Variants in CAMTA1 observed in about 807,000 individuals in gnomAD.
CAMTA1 encodes calmodulin-binding transcription activator 1.
In CAMTA1, 27 loss-of-function variants were observed where a neutral mutation model predicts 170.9. That is an observed-to-expected ratio of 0.16 (90% CI 0.12 to 0.22). CAMTA1 has a LOEUF of 0.22. Ranked by LOEUF, CAMTA1 falls within the 10% of genes least tolerant of loss-of-function variation. CAMTA1 has a pLI of 1.00. For missense variants in CAMTA1, 1,619 were observed against 2,217.2 expected, an observed-to-expected ratio of 0.73 and a Z score of 5.42; for synonymous variants, 833 against 891.5, an observed-to-expected ratio of 0.93 and a Z score of 1.17.
chr1:7,644,779 T>C (rs959148975), intron 7 of CAMTA1, among the ~76,000 whole-genome samples: 1 of 152,138 alleles, frequency 6.6e-6, no homozygotes, highest in Admixed American at 6.5e-5. Flanking sequence ...GTCTGGGAAG[T>C]GTCGTTTTTT....
chr1:7,343,792 C>G (rs1352430008), intron 5 of CAMTA1, among the ~76,000 whole-genome samples: 1 of 152,176 alleles, frequency 6.6e-6, no homozygotes, highest in African/African-American at 2.4e-5. Flanking sequence ...AATGTTTTGT[C>G]CCTTCTGTGG....
chr1:7,414,499 G>A (rs1273512790), intron 5 of CAMTA1, among the ~76,000 whole-genome samples: 14 of 152,152 alleles, frequency 9.2e-5, no homozygotes, highest in African/African-American at 2.2e-4. Flanking sequence ...GAGTGTATGC[G>A]TCGAGGAATT....
intron 5 of CAMTA1, among the ~76,000 whole-genome samples, chr1:7,283,077 G>C (rs1010136885): frequency 1.3e-5 from 2 of 152,044 alleles, no homozygotes; most frequent in South Asian, 4.2e-4. Context: ...GCAAACATTT[G>C]TTGAATAAAT....
intron 6 of CAMTA1, among the ~76,000 whole-genome samples, chr1:7,469,350 G>A (rs1268793756): frequency 6.6e-6 from 1 of 152,192 alleles, no homozygotes; most frequent in Non-Finnish European, 1.5e-5. Flanking sequence ...CTTGGCAGAG[G>A]GTTTTCTCCT....
At chr1:7,460,257 T>C (rs2093051705) in intron 5 of CAMTA1, among the ~76,000 whole-genome samples, 1 of 152,228 alleles carries the variant, frequency 6.6e-6, no homozygotes, top group Admixed American at 6.5e-5. Context: ...CTCTCACCTT[T>C]TTTGGCTCAG....
intron 1 of CAMTA1, among the ~76,000 whole-genome samples, chr1:6,788,736 C>T (rs567882479): frequency 3.7e-4 from 56 of 152,122 alleles, no homozygotes; most frequent in African/African-American, 1.2e-3. Context: ...AAGCAGGGGG[C>T]TCCGTGCAAG....
intron 6 of CAMTA1, among the ~76,000 whole-genome samples, chr1:7,492,284 C>T (rs758531015): frequency 2.0e-4 from 31 of 152,218 alleles, no homozygotes; most frequent in Non-Finnish European, 2.9e-4. Context: ...AAGGAAGGCA[C>T]TACGGGGGCC....
In CAMTA1 at chr1:7,732,026, T is replaced by G. The variant is rs964644443; in HGVS notation, c.2915-422T>G. Reference sequence around the variant, plus strand: ...TAAAAGATATACTACCTTTTTTTTTTTTTGTCTAACATACCTTCCTTTCTT... The same window carrying G: ...TAAAAGATATACTACCTTTTTTTTTGTTTGTCTAACATACCTTCCTTTCTT... On this transcript the variant is annotated intron_variant, in intron 11 of 22. Coordinates refer to ENST00000303635, the MANE Select transcript of CAMTA1 (RefSeq NM_015215.4). The surrounding 1 kb of genome is among the most constrained non-coding windows in gnomAD (Gnocchi z 4.1). Among the ~76,000 whole-genome samples the G allele has an allele frequency of 2.0e-5, 3 of 152,052 alleles. No homozygotes were observed. Among genetic ancestry groups the G allele is most frequent in the African/African-American group, 7.2e-5 (3 of 41,398 alleles).
In CAMTA1 at chr1:7,094,696, C is replaced by T. The variant is rs1286560512; in HGVS notation, c.302+3325C>T. Among the ~76,000 whole-genome samples the T allele has an allele frequency of 8.5e-5, 13 of 152,246 alleles. No individual in the cohort carries two copies. In the East Asian group the frequency reaches 2.3e-3, roughly 27 times the overall value. ...CTCACCTGTTTAATAATGAGGTGTG[C>T]TACACGGAGGCTCCCAGGGCTGGGG... is the stretch of plus-strand genomic sequence containing the variant. On this transcript the variant is annotated intron_variant, in intron 4 of 22. Transcript: ENST00000303635.
intron 1 of CAMTA1, among the ~76,000 whole-genome samples, chr1:6,799,857 A>G (rs967164849): frequency 6.6e-6 from 1 of 152,116 alleles, no homozygotes; most frequent in Non-Finnish European, 1.5e-5. Flanking sequence ...GAAACCATGG[A>G]TAAGAGGGGG....
chr1:6,902,039 T>A (rs886283253), intron 3 of CAMTA1, among the ~76,000 whole-genome samples: 26 of 114,374 alleles, frequency 2.3e-4, no homozygotes, highest in African/African-American at 7.3e-4. Flanking sequence ...GGTGAGACTG[T>A]CACACACACA....
intron 3 of CAMTA1, among the ~76,000 whole-genome samples, chr1:6,911,886 T>TA (rs1443910504): frequency 6.6e-6 from 1 of 152,236 alleles, no homozygotes; most frequent in Non-Finnish European, 1.5e-5. Flanking sequence ...GCACAGGAGA[T>TA]ATTTGATGAG....
intron 6 of CAMTA1, among the ~76,000 whole-genome samples, chr1:7,540,725 G>GT (rs1218154572): frequency 1.4e-5 from 2 of 139,534 alleles, no homozygotes; most frequent in Non-Finnish European, 3.1e-5. Context: ...CCAGTTGAGG[G>GT]TAAAAAATGC....
chr1:6,840,506 T>G (rs1368934322), intron 3 of CAMTA1, among the ~76,000 whole-genome samples: 1 of 152,126 alleles, frequency 6.6e-6, no homozygotes, highest in Non-Finnish European at 1.5e-5. Flanking sequence ...AGCTACTGCG[T>G]TGGTGCTGGG....
In CAMTA1 at chr1:7,444,948, T is replaced by G. The variant is rs538547022; in HGVS notation, c.439-22882T>G. Among the ~76,000 whole-genome samples the G allele has an allele frequency of 2.9e-3, 438 of 152,140 alleles. 2 individuals are homozygous for G. Among genetic ancestry groups the G allele is most frequent in the Non-Finnish European group, 4.7e-3 (322 of 68,008 alleles). On this transcript the variant is annotated intron_variant, in intron 5 of 22. Transcript: ENST00000303635. ...GACATGTTCCTGCTTCCCGTAAAAT[T>G]TGCCCGCCTAGCTGGGGAAATAGAC...
rs550368819 is a variant in CAMTA1, at chr1:7,052,203, G to A, written c.235-39101G>A. ...TTGTGGGGCCACCCTTGGGCCCTGG[G>A]GCCATTCTTTTTTGCTCCCTGATGG... On this transcript the variant is annotated intron_variant, in intron 3 of 22. Coordinates refer to ENST00000303635, the MANE Select transcript of CAMTA1 (RefSeq NM_015215.4). Among the ~76,000 whole-genome samples the A allele has an allele frequency of 2.6e-5, 4 of 152,224 alleles. 1 individual carries two copies. Among genetic ancestry groups the A allele is most frequent in the East Asian group, 1.9e-4 (1 of 5,160 alleles).
chr1:7,107,229 C>G (rs959773628), intron 4 of CAMTA1, among the ~76,000 whole-genome samples: 1 of 150,840 alleles, frequency 6.6e-6, no homozygotes, highest in African/African-American at 2.5e-5. Flanking sequence ...AGTTCCCAGA[C>G]GGCACACGCA....
At chr1:7,256,042 T>G (rs997953419) in intron 5 of CAMTA1, among the ~76,000 whole-genome samples, 2 of 152,128 alleles carry the variant, frequency 1.3e-5, no homozygotes, top group Admixed American at 6.6e-5. Context: ...TGGCTTTTCA[T>G]CATCTGAATT....
intron 5 of CAMTA1, among the ~76,000 whole-genome samples, chr1:7,436,596 G>T (rs1221433820): frequency 6.6e-6 from 1 of 152,178 alleles, no homozygotes; most frequent in Non-Finnish European, 1.5e-5. Flanking sequence ...GTCCCTCCTT[G>T]CCAGGGCCTG....
Sources: allele counts gnomAD v4.1 joint callset (sites outside exome capture counted in the v4.1 genomes callset), GRCh38; gene constraint gnomAD v4.1.1; non-coding constraint Gnocchi (gnomAD v3.1); transcripts MANE v1.5; gene names NCBI Gene and HGNC (gene_info 2026-07-23, HGNC 2026-07-21).